Variants in RIT2 observed in about 807,000 individuals in gnomAD.
RIT2 encodes the protein GTP-binding protein Rit2.
Under a neutral mutation model 23.7 loss-of-function variants are expected in RIT2, and 24 were observed. The observed-to-expected ratio is 1.01, with a 90% CI of 0.73 to 1.43. The LOEUF is 1.43. RIT2 is among the 40% of genes most tolerant of loss of function. RIT2 has a pLI of 0.00. For missense variants in RIT2, 236 were observed against 266.9 expected, an observed-to-expected ratio of 0.88 and a Z score of 0.81; for synonymous variants, 107 against 91.1, an observed-to-expected ratio of 1.17 and a Z score of -0.99.
At chr18:42,949,847 T>C (rs578161625) in intron 3 of RIT2, among the ~76,000 whole-genome samples, 75 of 152,262 alleles carry the variant, frequency 4.9e-4, no homozygotes, top group African/African-American at 1.7e-3. Flanking sequence ...TTGATCTGCA[T>C]TTTAATCTGT....
At chr18:42,906,443 C>T (rs1908624188) in intron 4 of RIT2, among the ~76,000 whole-genome samples, 1 of 151,952 alleles carries the variant, frequency 6.6e-6, no homozygotes, top group Non-Finnish European at 1.5e-5. Context: ...AGAGATGTTC[C>T]CTTTGATTAC....
intron 1 of RIT2, among the ~76,000 whole-genome samples, chr18:43,107,680 C>A (rs968072772): frequency 2.0e-5 from 3 of 151,944 alleles, no homozygotes; most frequent in African/African-American, 4.8e-5. Flanking sequence ...TGGTTGAGGC[C>A]CCCAGGGGTC....
At chr18:43,037,961 T>C (rs1272374612) in intron 1 of RIT2, among the ~76,000 whole-genome samples, 1 of 152,000 alleles carries the variant, frequency 6.6e-6, no homozygotes, top group Non-Finnish European at 1.5e-5. Context: ...TCCCAGTACT[T>C]TGAGAGGCCA....
intron 4 of RIT2, among the ~76,000 whole-genome samples, chr18:42,867,640 A>G (rs957794238): frequency 1.3e-5 from 2 of 151,894 alleles, no homozygotes; most frequent in Non-Finnish European, 2.9e-5. Context: ...TAAAAAAAAA[A>G]AAAAATAGCC....
At chr18:43,066,978 G>A (rs923333694) in intron 1 of RIT2, among the ~76,000 whole-genome samples, 2 of 151,398 alleles carry the variant, frequency 1.3e-5, no homozygotes, top group African/African-American at 4.9e-5. Context: ...TTAAGCAACA[G>A]TGAGTTCTAG....
intron 4 of RIT2, among the ~76,000 whole-genome samples, chr18:42,905,894 A>C (rs1483902118): frequency 2.0e-5 from 3 of 149,878 alleles, no homozygotes; most frequent in Non-Finnish European, 3.0e-5. Context: ...AGAACTAGGG[A>C]TAAAGGCTAA....
chr18:42,749,294 T>C (rs960760245), intron 4 of RIT2, among the ~76,000 whole-genome samples: 6 of 151,918 alleles, frequency 3.9e-5, no homozygotes, highest in Non-Finnish European at 8.8e-5. Context: ...AAATGCACTG[T>C]ATCAAAACTT....
At chr18:42,965,229 C>T (rs762898444) in intron 3 of RIT2, among the ~76,000 whole-genome samples, 3 of 152,060 alleles carry the variant, frequency 2.0e-5, no homozygotes, top group Non-Finnish European at 1.5e-5. Context: ...AGCACAAAAT[C>T]CTTTAAATAA....
At chr18:42,808,869 C>A (rs1905760795) in intron 4 of RIT2, among the ~76,000 whole-genome samples, 1 of 152,004 alleles carries the variant, frequency 6.6e-6, no homozygotes, top group Non-Finnish European at 1.5e-5. Flanking sequence ...TTACTAGTAA[C>A]AGTTACTAAA....
chr18:42,753,183 C>T (rs1319397958), intron 4 of RIT2, among the ~76,000 whole-genome samples: 1 of 152,136 alleles, frequency 6.6e-6, no homozygotes, highest in Non-Finnish European at 1.5e-5. Context: ...AGCATCCTGG[C>T]CAATTAGACT....
At chr18:42,746,221 G>T (rs558526667) in intron 4 of RIT2, among the ~76,000 whole-genome samples, 2 of 152,192 alleles carry the variant, frequency 1.3e-5, no homozygotes, top group African/African-American at 4.8e-5. Context: ...AGTCAATGAG[G>T]CAGGACATAT....
At chr18:43,036,398 G>A (rs908246152) in intron 1 of RIT2, among the ~76,000 whole-genome samples, 1 of 152,052 alleles carries the variant, frequency 6.6e-6, no homozygotes, top group African/African-American at 2.4e-5. Flanking sequence ...AAATCAGCCG[G>A]GCGTGGTGGC....
intron 1 of RIT2, among the ~76,000 whole-genome samples, chr18:43,086,182 C>A (rs1166262495): frequency 6.6e-6 from 1 of 152,036 alleles, no homozygotes; most frequent in Non-Finnish European, 1.5e-5. Context: ...ATATGTTATG[C>A]TTTAATGAGC....
chr18:42,798,222 A>G (rs899394913), intron 4 of RIT2, among the ~76,000 whole-genome samples: 5 of 152,348 alleles, frequency 3.3e-5, no homozygotes, highest in African/African-American at 1.2e-4. Flanking sequence ...TTCAGGAACC[A>G]TTCTGAATTT....
At chr18:42,956,769 A>G (rs971294725) in intron 3 of RIT2, among the ~76,000 whole-genome samples, 8 of 152,182 alleles carry the variant, frequency 5.3e-5, no homozygotes, top group African/African-American at 1.2e-4. Flanking sequence ...GATGTACTCA[A>G]TGTCTCACAA....
chr18:43,030,857 G>A (rs886859112), intron 2 of RIT2, among the ~76,000 whole-genome samples: 4 of 151,988 alleles, frequency 2.6e-5, no homozygotes, highest in Non-Finnish European at 5.9e-5. Flanking sequence ...CATCTACTAC[G>A]GAAAATCAGC....
intron 4 of RIT2, among the ~76,000 whole-genome samples, chr18:42,762,598 A>G (rs760435932): frequency 3.0e-4 from 45 of 152,292 alleles, no homozygotes; most frequent in Middle Eastern, 3.4e-3. Context: ...TCCCCCTCTC[A>G]TAATATGTGA....
At chr18:42,994,650 T>A (rs1910935093) in intron 2 of RIT2, among the ~76,000 whole-genome samples, 2 of 152,118 alleles carry the variant, frequency 1.3e-5, no homozygotes, top group South Asian at 4.1e-4. Flanking sequence ...GTCAGAATTC[T>A]TACACAAGGA....
chr18:42,797,047 A>G (rs1424905241), intron 4 of RIT2, among the ~76,000 whole-genome samples: 1 of 152,220 alleles, frequency 6.6e-6, no homozygotes, highest in Non-Finnish European at 1.5e-5. Context: ...TAAGAACTTC[A>G]TAAGATTATT....
Sources: allele counts gnomAD v4.1 joint callset (sites outside exome capture counted in the v4.1 genomes callset), GRCh38; gene constraint gnomAD v4.1.1; transcripts MANE v1.5; gene names NCBI Gene and HGNC (gene_info 2026-07-23, HGNC 2026-07-21).